The following SLC9A9 variants were observed in gnomAD, a reference collection of about 807,000 sequenced individuals.
SLC9A9 encodes the protein solute carrier family 9 member A9.
Under a neutral mutation model 77.8 loss-of-function variants are expected in SLC9A9, and 62 were observed. That is an observed-to-expected ratio of 0.80 (90% confidence interval 0.65 to 0.98). The LOEUF (loss-of-function observed/expected upper bound fraction) is 0.98. Among genes scored for constraint, SLC9A9 ranks in the 50% least tolerant of loss-of-function variants. The pLI, the probability that SLC9A9 is intolerant of heterozygous loss-of-function variation, is 0.00. For missense variants in SLC9A9, 775 were observed against 774.9 expected (o/e 1.00, Z 0.00); for synonymous variants, 320 against 283.5 (o/e 1.13, Z -1.29).
intron 11 of SLC9A9, among the ~76,000 whole-genome samples, chr3:143,469,931 A>G (rs554427169): frequency 6.6e-6 from 1 of 152,284 alleles, no homozygotes; most frequent in East Asian, 1.9e-4. Context: ...TGTACTCAAG[A>G]AAAAAAGGCC....
intron 4 of SLC9A9, among the ~76,000 whole-genome samples, chr3:143,746,683 G>C (rs921941176): frequency 6.6e-6 from 1 of 151,836 alleles, no homozygotes; most frequent in African/African-American, 2.4e-5. Context: ...TTTTTTTAAA[G>C]TGCTCAAATA....
intron 6 of SLC9A9, among the ~76,000 whole-genome samples, chr3:143,608,188 A>C (rs1052384505): frequency 5.3e-5 from 8 of 152,228 alleles, no homozygotes; most frequent in Non-Finnish European, 1.2e-4. Context: ...TGGCTACCTA[A>C]AAGTCATCAA....
chr3:143,315,110 G>C (rs2031160838), intron 14 of SLC9A9, among the ~76,000 whole-genome samples: 1 of 152,190 alleles, frequency 6.6e-6, no homozygotes, highest in Admixed American at 6.5e-5. Context: ...CATACAATTG[G>C]GCAGTCTTAG....
Position 143,507,213 on chromosome 3 carries a change from A to T in SLC9A9, c.1090-11765T>A, listed in dbSNP as rs28518169. ...TATTATTATCATTATTATTATTATT[A>T]TTTTTATTTTTTGAGATGGAGTCTC... On this transcript the variant is annotated intron_variant, in intron 9 of 15. Transcript: ENST00000316549. Among the ~76,000 whole-genome samples the T allele has an allele frequency of 5.5e-3, 828 of 150,824 alleles. 8 individuals are homozygous for T. Among genetic ancestry groups the T allele is most frequent in the Non-Finnish European group, 6.9e-3 (467 of 67,682 alleles).
At chr3:143,761,636 A>G (rs2007125663) in intron 4 of SLC9A9, among the ~76,000 whole-genome samples, 1 of 152,192 alleles carries the variant, frequency 6.6e-6, no homozygotes, top group Non-Finnish European at 1.5e-5. Flanking sequence ...CAAAACCACA[A>G]TGAGATACCA....
chr3:143,624,899 A>G (rs1365526491), intron 6 of SLC9A9, among the ~76,000 whole-genome samples: 1 of 152,230 alleles, frequency 6.6e-6, no homozygotes, highest in African/African-American at 2.4e-5. Flanking sequence ...TTAAGCTGAT[A>G]AGCAACTTCA....
At chr3:143,608,956 CT>C (rs1177878586) in intron 6 of SLC9A9, among the ~76,000 whole-genome samples, 1 of 152,126 alleles carries the variant, frequency 6.6e-6, no homozygotes, top group Non-Finnish European at 1.5e-5. Flanking sequence ...TATTTTAAAA[CT>C]TTTATCTAGA....
chr3:143,628,883 C>T (rs1375679675), intron 6 of SLC9A9, among the ~76,000 whole-genome samples: 1 of 151,982 alleles, frequency 6.6e-6, no homozygotes, highest in African/African-American at 2.4e-5. Flanking sequence ...TATTTTCTCC[C>T]AGATTAATAT....
intron 6 of SLC9A9, among the ~76,000 whole-genome samples, chr3:143,633,493 G>C (rs573627782): frequency 1.3e-5 from 2 of 152,006 alleles, no homozygotes; most frequent in African/African-American, 4.8e-5. Context: ...AAGCTCCAAA[G>C]TGTGCCATTG....
chr3:143,356,665 T>G (rs1576445665), intron 14 of SLC9A9, among the ~76,000 whole-genome samples: 1 of 152,208 alleles, frequency 6.6e-6, no homozygotes, highest in Middle Eastern at 3.4e-3. Flanking sequence ...GGACTACAGG[T>G]GCATGCTACC....
At chr3:143,307,047 T>C (rs1452688669) in intron 14 of SLC9A9, among the ~76,000 whole-genome samples, 5 of 152,252 alleles carry the variant, frequency 3.3e-5, no homozygotes, top group Non-Finnish European at 5.9e-5. Context: ...CTCTGTGTCC[T>C]TGTCTATGAA....
chr3:143,693,416 A>G, intron 4 of SLC9A9, 109 bp from the exon 5 acceptor site: 1 of 876,288 alleles, frequency 1.1e-6, no homozygotes, highest in Non-Finnish European at 1.9e-6. Context: ...TCATGCACAA[A>G]TTGCCACCAT....
At chr3:143,279,961 A>G (rs1437554405) in intron 14 of SLC9A9, among the ~76,000 whole-genome samples, 1 of 152,146 alleles carries the variant, frequency 6.6e-6, no homozygotes, top group African/African-American at 2.4e-5. Context: ...CTGGGACTAC[A>G]GGCATGTGCC....
intron 14 of SLC9A9, among the ~76,000 whole-genome samples, chr3:143,294,779 G>A (rs2030176554): frequency 6.6e-6 from 1 of 152,166 alleles, no homozygotes; most frequent in African/African-American, 2.4e-5. Flanking sequence ...ACTTGCTTAA[G>A]GTCACACAGC....
At chr3:143,385,894 C>T (rs4356816) in intron 12 of SLC9A9, among the ~76,000 whole-genome samples, 116,973 of 151,942 alleles carry the variant, frequency 0.77, 45,212 homozygotes, top group Non-Finnish European at 0.79. Flanking sequence ...TGAGCCCCAG[C>T]ACCAAATACA....
intron 9 of SLC9A9, chr3:143,503,607 G>A: frequency 4.5e-6 from 2 of 447,550 alleles, no homozygotes; most frequent in Non-Finnish European, 9.0e-6. Flanking sequence ...TCCTGGTTCA[G>A]CTCAGGGATG....
chr3:143,618,269 G>A (rs144366759), intron 6 of SLC9A9, among the ~76,000 whole-genome samples: 2 of 152,316 alleles, frequency 1.3e-5, no homozygotes, highest in East Asian at 3.9e-4. Flanking sequence ...CTTGTGTCAA[G>A]AGAGTTTTAT....
intron 4 of SLC9A9, among the ~76,000 whole-genome samples, chr3:143,744,228 G>A (rs1935150182): frequency 6.6e-6 from 1 of 152,194 alleles, no homozygotes; most frequent in Non-Finnish European, 1.5e-5. Flanking sequence ...CTATGTGCCA[G>A]TTGCATCTCT....
intron 14 of SLC9A9, among the ~76,000 whole-genome samples, chr3:143,359,862 G>A (rs149205667): frequency 1.5e-3 from 227 of 152,248 alleles, no homozygotes; most frequent in African/African-American, 5.4e-3. Flanking sequence ...TTCAGAAGTC[G>A]GGGATTCCTT....
Sources: gnomAD v4.1 joint callset for allele counts (sites outside exome capture counted in the v4.1 genomes callset) on GRCh38, gnomAD v4.1.1 for gene constraint, MANE v1.5 for transcripts, NCBI Gene and HGNC (gene_info 2026-07-23, HGNC 2026-07-21) for gene names.